The following KCNQ3 variants were observed in gnomAD, a reference collection of about 807,000 sequenced individuals.
KCNQ3 encodes the protein potassium voltage-gated channel subfamily KQT member 3.
A neutral mutation model predicts 92.5 loss-of-function variants in KCNQ3; 30 were observed. That is an observed-to-expected ratio of 0.32 (90% CI 0.24 to 0.44). KCNQ3 has a LOEUF of 0.44. KCNQ3 is among the 20% of genes least tolerant of loss of function. The pLI, the probability that KCNQ3 is intolerant of heterozygous loss-of-function variation, is 1.00. For synonymous variants in KCNQ3, 450 were observed against 468.8 expected (o/e 0.96, Z 0.52); for missense variants, 913 against 1,140.3 (o/e 0.80, Z 2.87).
intron 9 of KCNQ3, among the ~76,000 whole-genome samples, chr8:132,152,631 G>GA (rs1340461953): frequency 6.6e-6 from 1 of 152,054 alleles, no homozygotes; most frequent in African/African-American, 2.4e-5. Context: ...AAGCCCCTTG[G>GA]AAAAAAACTG....
intron 1 of KCNQ3, among the ~76,000 whole-genome samples, chr8:132,473,691 C>G (rs1051594469): frequency 6.6e-6 from 1 of 152,152 alleles, no homozygotes; most frequent in Non-Finnish European, 1.5e-5. Flanking sequence ...GAAACTGAAG[C>G]CCAAAGATAC....
intron 1 of KCNQ3, among the ~76,000 whole-genome samples, chr8:132,453,987 G>A (rs1050990531): frequency 1.3e-5 from 2 of 152,334 alleles, no homozygotes; most frequent in East Asian, 1.9e-4. Context: ...CAAGGCCAAA[G>A]GGATTAGTCA....
intron 1 of KCNQ3, among the ~76,000 whole-genome samples, chr8:132,387,941 G>A (rs954886325): frequency 1.7e-4 from 25 of 151,492 alleles, no homozygotes; most frequent in African/African-American, 5.6e-4. Context: ...GCAAGACCCT[G>A]TGAAGAAGAA....
At chr8:132,429,152 C>T (rs1821183106) in intron 1 of KCNQ3, among the ~76,000 whole-genome samples, 1 of 152,226 alleles carries the variant, frequency 6.6e-6, no homozygotes, top group Non-Finnish European at 1.5e-5. Context: ...CAGTGCCAGG[C>T]AGGTTGCAGG....
chr8:132,300,922 T>C (rs1043856746), intron 1 of KCNQ3, among the ~76,000 whole-genome samples: 8 of 152,132 alleles, frequency 5.3e-5, no homozygotes, highest in African/African-American at 1.9e-4. Flanking sequence ...TTACGAGGGT[T>C]CACTAGCATC....
chr8:132,408,911 G>C (rs922447040), intron 1 of KCNQ3, among the ~76,000 whole-genome samples: 4 of 152,194 alleles, frequency 2.6e-5, no homozygotes, highest in Admixed American at 2.6e-4. Context: ...CTGAGCCTCA[G>C]ATGAGATGCA....
intron 1 of KCNQ3, among the ~76,000 whole-genome samples, chr8:132,474,244 T>C (rs1232246743): frequency 6.6e-6 from 1 of 152,174 alleles, no homozygotes; most frequent in Non-Finnish European, 1.5e-5. Context: ...GTGCCTAGTG[T>C]TGGGCTAACT....
chr8:132,305,583 G>C (rs1817392421), intron 1 of KCNQ3, among the ~76,000 whole-genome samples: 1 of 152,126 alleles, frequency 6.6e-6, no homozygotes, highest in Admixed American at 6.6e-5. Flanking sequence ...GCAACCACAG[G>C]AGCCAGGAGA....
chr8:132,377,665 C>T (rs1047611390), intron 1 of KCNQ3, among the ~76,000 whole-genome samples: 12 of 152,156 alleles, frequency 7.9e-5, no homozygotes, highest in Admixed American at 4.6e-4. Context: ...CATCCATGTC[C>T]AAGGCTAAGC....
At chr8:132,262,810 T>G (rs1815833194) in intron 1 of KCNQ3, among the ~76,000 whole-genome samples, 1 of 152,170 alleles carries the variant, frequency 6.6e-6, no homozygotes, top group South Asian at 2.1e-4. Flanking sequence ...AGTTGGGTTT[T>G]CTGTTTTATA....
At chr8:132,343,721 A>C (rs1488130474) in intron 1 of KCNQ3, among the ~76,000 whole-genome samples, 1 of 151,856 alleles carries the variant, frequency 6.6e-6, no homozygotes, top group East Asian at 1.9e-4. Context: ...TCGCTCCCTG[A>C]TTTCCCAAGC....
intron 1 of KCNQ3, among the ~76,000 whole-genome samples, chr8:132,433,021 A>C (rs1245627448): frequency 6.6e-6 from 1 of 152,240 alleles, no homozygotes; most frequent in Non-Finnish European, 1.5e-5. Flanking sequence ...TAGATGAAGA[A>C]TCCCCATTCT....
rs530283917 is a variant in KCNQ3, at chr8:132,369,534, G to T, written c.386+110613C>A. Among the ~76,000 whole-genome samples, 80 of 151,880 alleles carry T rather than the reference G, an allele frequency of 5.3e-4. No homozygotes were observed. The South Asian group carries it at 6.7e-3, about 13-fold the overall frequency. ...CAGGGAGTATAAAAATGAGGCTGGA[G>T]TATCTCATGGTACTACAAAGTAAGG... On this transcript the variant is annotated intron_variant, in intron 1 of 14. Transcript: ENST00000388996.
intron 9 of KCNQ3, among the ~76,000 whole-genome samples, chr8:132,151,119 C>T (rs1047564830): frequency 5.3e-5 from 8 of 152,150 alleles, no homozygotes; most frequent in Non-Finnish European, 8.8e-5. Flanking sequence ...GAGAACTTTT[C>T]AATTTGCCAG....
In KCNQ3 at chr8:132,125,685, G is replaced by C. The variant is rs2130916971; in HGVS notation, c.*3577C>G. On this transcript the variant is annotated 3_prime_UTR_variant, in exon 15 of 15. Transcript: ENST00000388996. ...TCTTTCAAACTACAGTGTCTAGGAA[G>C]TACCTTGCACAAAATAGACACAGGA... 6.6e-6 allele frequency: 1 copy of C among 152,302 alleles called. No individual in the cohort carries two copies. The highest frequency in any genetic ancestry group is 6.5e-5 in the Admixed American group (1 of 15,296). 9.4% of individuals were successfully genotyped at this position (152,302 alleles called of 1,614,324 possible). A position where few individuals can be genotyped will look rare whatever the true frequency, so the allele number is the denominator to read the frequency against.
intron 1 of KCNQ3, among the ~76,000 whole-genome samples, chr8:132,203,060 A>T (rs187149109): frequency 6.6e-6 from 1 of 152,270 alleles, no homozygotes; most frequent in African/African-American, 2.4e-5. Context: ...TTTTTGCTGG[A>T]TCATCCCATC....
chr8:132,243,137 C>G (rs949118421), intron 1 of KCNQ3, among the ~76,000 whole-genome samples: 1 of 152,174 alleles, frequency 6.6e-6, no homozygotes, highest in African/African-American at 2.4e-5. Context: ...GATTAATATC[C>G]CAGCTCAATT....
chr8:132,179,984 C>A (rs530542713), intron 4 of KCNQ3, among the ~76,000 whole-genome samples, 173 bp downstream of exon 4: 2 of 152,190 alleles, frequency 1.3e-5, no homozygotes, highest in African/African-American at 4.8e-5. Flanking sequence ...TGCTCCTGCC[C>A]CTACCCCAGC....
At chr8:132,382,359 G>A (rs1006629280) in intron 1 of KCNQ3, among the ~76,000 whole-genome samples, 5 of 152,092 alleles carry the variant, frequency 3.3e-5, no homozygotes, top group Non-Finnish European at 5.9e-5. Context: ...TTAAAATAAC[G>A]TGTATCCTGC....
Sources: gnomAD v4.1 joint callset for allele counts (sites outside exome capture counted in the v4.1 genomes callset) on GRCh38, gnomAD v4.1.1 for gene constraint, MANE v1.5 for transcripts, NCBI Gene and HGNC (gene_info 2026-07-23, HGNC 2026-07-21) for gene names.